The following C4orf50 variants were observed in gnomAD, a reference collection of about 807,000 sequenced individuals.
The protein encoded by C4orf50 is chromosome 4 open reading frame 50.
Under a neutral mutation model 77.2 loss-of-function variants are expected in C4orf50, and 80 were observed. The observed-to-expected ratio is 1.04, with a 90% confidence interval of 0.87 to 1.25. C4orf50 has a LOEUF of 1.25. C4orf50 is among the 50% of genes most tolerant of loss of function. The probability of loss-of-function intolerance (pLI) is 0.00; values close to 1 mark genes in which losing one functional copy is unlikely to be tolerated. For missense variants in C4orf50, 1,257 were observed against 1,152.9 expected (o/e 1.09, Z -1.31); for synonymous variants, 532 against 465.3 (o/e 1.14, Z -1.84).
chr4:6,003,744 G>T (rs934591643), intron 25 of C4orf50, among the ~76,000 whole-genome samples: 4 of 141,104 alleles, frequency 2.8e-5, no homozygotes, highest in Non-Finnish European at 6.2e-5. Flanking sequence ...TGATGATAGT[G>T]GTGATGGTGA....
Position 6,011,768 on chromosome 4 carries a change from G to T in C4orf50, c.426+62C>A. On this transcript the variant is annotated intron_variant, in intron 24 of 33. Coordinates refer to ENST00000531445, the Ensembl canonical transcript of C4orf50. This position sits in a 1 kb window ranked among gnomAD's most constrained non-coding sequence, Gnocchi z 4.2. ...CTGTCTTTGCCCAACTGCAGCTGCT[G>T]CTGAGTTCCCACGGCTCTGCTGGAC... is the stretch of plus-strand genomic sequence containing the variant. 2.5e-6 allele frequency: 1 copy of T among 399,012 alleles called. No homozygotes were observed. The highest frequency in any genetic ancestry group is 4.4e-6 in the Non-Finnish European group (1 of 226,124). The allele number at this position is 399,012 out of a possible 1,614,324, so 24.7% of individuals were successfully genotyped here. A position where few individuals can be genotyped will look rare whatever the true frequency, so the allele number is the denominator to read the frequency against.
rs971877212 is a variant in C4orf50 at position 6,009,541 on chromosome 4, G to A, written c.427-1009C>T. Among the ~76,000 whole-genome samples the A allele has an allele frequency of 6.6e-6, 1 of 152,170 alleles. No homozygotes were observed. Among genetic ancestry groups the A allele is most frequent in the African/African-American group, 2.4e-5 (1 of 41,436 alleles). Reference sequence around the variant, plus strand: ...ATTCTCCTGGTCTTCCTGAAGGCGTGTATTCTGTAATGATCTTTGCATGGT... The same window carrying A: ...ATTCTCCTGGTCTTCCTGAAGGCGTATATTCTGTAATGATCTTTGCATGGT... On this transcript the variant is annotated intron_variant, in intron 24 of 33. Transcript: ENST00000531445. This position sits in a 1 kb window ranked among gnomAD's most constrained non-coding sequence, Gnocchi z 5.6.
At chr4:6,004,014 TG>T (rs1722020817) in intron 25 of C4orf50, among the ~76,000 whole-genome samples, 1 of 118,832 alleles carries the variant, frequency 8.4e-6, no homozygotes, top group Non-Finnish European at 1.7e-5. Context: ...GGTGATGATG[TG>T]ATGGTGATAA....
At chr4:5,971,221 C>CCCTGTG (rs1358886139) in intron 31 of C4orf50, among the ~76,000 whole-genome samples, 1 of 152,206 alleles carries the variant, frequency 6.6e-6, no homozygotes, top group Non-Finnish European at 1.5e-5. Flanking sequence ...GCCCAAAGGC[C>CCCTGTG]CCCATCGGGA....
chr4:6,013,730 G>A lies in C4orf50; in HGVS notation c.288-1762C>T, dbSNP rs534304179. On this transcript the variant is annotated intron_variant, in intron 23 of 33. Transcript: ENST00000531445. ...TGCAGCTGGGTCCAAAGATGGAGGCGGGACCAGGAACCCAGGAATGCAGCT... is the reference window on the plus strand; with the variant it reads ...TGCAGCTGGGTCCAAAGATGGAGGCAGGACCAGGAACCCAGGAATGCAGCT... 1.2e-4 allele frequency among the ~76,000 whole-genome samples: 19 copies of A among 152,206 alleles called. No homozygotes were observed. In the South Asian group the frequency reaches 3.7e-3, roughly 30 times the overall value.
intron 7 of C4orf50, among the ~76,000 whole-genome samples, chr4:5,937,097 A>G (rs964093526): frequency 6.6e-6 from 1 of 152,176 alleles, no homozygotes; most frequent in African/African-American, 2.4e-5. Context: ...TGCTAAAAGA[A>G]TACTAGTAAG....
chr4:5,935,731 A>G (rs1016610933), intron 7 of C4orf50, among the ~76,000 whole-genome samples: 17 of 140,210 alleles, frequency 1.2e-4, no homozygotes, highest in African/African-American at 4.3e-4. Context: ...GGCTGCAGTG[A>G]GCCGAGATTG....
At position 5,980,755 on chromosome 4, in the gene C4orf50, G is replaced by A. The variant is rs541375416; in HGVS notation, c.3700-417C>T. Among the ~76,000 whole-genome samples, 4 of 152,316 alleles carry A rather than the reference G, an allele frequency of 2.6e-5. No individual in the cohort carries two copies. The South Asian group carries it at 8.3e-4, about 32-fold the overall frequency. ...TGCCAGTCACTGTTATACTGAAACA[G>A]TGTGATGAGTGAAATTGAATGTTCC... On this transcript the variant is annotated intron_variant, in intron 28 of 33. Transcript: ENST00000531445.
intron 28 of C4orf50, among the ~76,000 whole-genome samples, chr4:5,984,269 A>G (rs533691682): frequency 6.6e-6 from 1 of 152,234 alleles, no homozygotes; most frequent in African/African-American, 2.4e-5. Context: ...TATTATACAC[A>G]ATGTCCAACA....
Position 5,901,978 on chromosome 4 carries a change from G to A in C4orf50, c.*2475-3790C>T, listed in dbSNP as rs556125843. On this transcript the variant is annotated intron_variant, in intron 7 of 7. Transcript: ENST00000324058. The surrounding 1 kb of genome is among the most constrained non-coding windows in gnomAD (Gnocchi z 4.4). ...TCATGGAGCGACTGAGCAGACTTACGCGGAAGCCCACCCACCAGGGCAGCA... is the reference window on the plus strand; with the variant it reads ...TCATGGAGCGACTGAGCAGACTTACACGGAAGCCCACCCACCAGGGCAGCA... 4.6e-5 allele frequency: 7 copies of A among 152,334 alleles called. No individual in the cohort carries two copies. Among genetic ancestry groups the A allele is most frequent in the East Asian group, 3.9e-4 (2 of 5,176 alleles). 9.4% of individuals were successfully genotyped at this position (152,334 alleles called of 1,614,324 possible).
At chr4:5,989,977 G>C in exon 28 of C4orf50, 2 of 1,407,750 alleles carry the variant, frequency 1.4e-6, no homozygotes, top group Non-Finnish European at 1.8e-6. Flanking sequence ...GACTTTCCCT[G>C]CGAGGAGCTG....
intron 7 of C4orf50, among the ~76,000 whole-genome samples, chr4:5,922,451 T>TCGAACA (rs1717320195): frequency 1.3e-5 from 2 of 152,202 alleles, no homozygotes; most frequent in Non-Finnish European, 2.9e-5. Context: ...CACTTACTTA[T>TCGAACA]CGAACACCTT....
chr4:6,003,968 GATGGCGATGATAGTGA>G (rs1722014484), intron 25 of C4orf50, among the ~76,000 whole-genome samples: 5 of 141,754 alleles, frequency 3.5e-5, no homozygotes, highest in African/African-American at 5.3e-5. Context: ...GTGATGATGT[GATGGCGATGATAGTGA>G]TGATGGTGAT....
chr4:5,989,916 A>T, exon 28 of C4orf50: 1 of 1,425,956 alleles, frequency 7.0e-7, no homozygotes, highest in Non-Finnish European at 9.1e-7. Flanking sequence ...GAGCATTTCC[A>T]AGCCACACTT....
intron 30 of C4orf50, 139 bp downstream of exon 8, chr4:5,975,760 A>G (rs1372372072): frequency 4.7e-6 from 3 of 639,840 alleles, no homozygotes; most frequent in African/African-American, 3.7e-5. Context: ...AAGTGCTGGG[A>G]TTACAGGTGT....
chr4:6,002,664 G>A (rs935913315), intron 25 of C4orf50, among the ~76,000 whole-genome samples: 2 of 152,168 alleles, frequency 1.3e-5, no homozygotes, highest in Non-Finnish European at 2.9e-5. Flanking sequence ...CCCACCAGGT[G>A]GGCTCAGATC....
At chr4:6,013,989 T>G (rs1018237896) in intron 23 of C4orf50, among the ~76,000 whole-genome samples, 2 of 147,638 alleles carry the variant, frequency 1.4e-5, no homozygotes, top group Non-Finnish European at 3.0e-5. Context: ...ACTTTTACTG[T>G]GTTTTTAAGT....
At chr4:5,969,897 G>A (rs1320644488) in intron 31 of C4orf50, among the ~76,000 whole-genome samples, 1 of 152,062 alleles carries the variant, frequency 6.6e-6, no homozygotes. Flanking sequence ...GTTCTCTGAC[G>A]GGACCTTCCA....
chr4:5,988,396 C>T (rs1176692310), exon 28 of C4orf50: 46 of 1,613,708 alleles, frequency 2.9e-5, no homozygotes, highest in Non-Finnish European at 3.6e-5. Flanking sequence ...AGCCACAGAA[C>T]ACCTGGGCCT....
Sources: gnomAD v4.1 joint callset for allele counts (sites outside exome capture counted in the v4.1 genomes callset) on GRCh38, gnomAD v4.1.1 for gene constraint, Gnocchi (gnomAD v3.1) non-coding constraint, MANE v1.5 for transcripts, NCBI Gene and HGNC (gene_info 2026-07-23, HGNC 2026-07-21) for gene names.